The following RHBDD2 variants were observed in gnomAD, a reference collection of about 807,000 sequenced individuals.
The protein encoded by RHBDD2 is rhomboid domain containing 2, also known as rhomboid domain-containing protein 2.
In RHBDD2, 13 loss-of-function variants were observed where a neutral mutation model predicts 21.7. The observed-to-expected ratio is 0.60, with a 90% CI of 0.39 to 0.95. The LOEUF (loss-of-function observed/expected upper bound fraction) is 0.95. Ranked by LOEUF, RHBDD2 falls within the 40% of genes least tolerant of loss-of-function variation. The pLI, the probability that RHBDD2 is intolerant of heterozygous loss-of-function variation, is 0.00. For synonymous variants in RHBDD2, 225 were observed against 220.0 expected (o/e 1.02, Z -0.20); for missense variants, 473 against 478.9 (o/e 0.99, Z 0.11).
intron 3 of RHBDD2, among the ~76,000 whole-genome samples, chr7:75,886,887 G>A (rs1031437362): frequency 3.3e-5 from 5 of 152,128 alleles, no homozygotes; most frequent in African/African-American, 1.2e-4. Context: ...CCAGTGCCAG[G>A]TCTGATCCTG....
Position 75,881,871 on chromosome 7 carries a change from T to C in RHBDD2, c.221T>C (p.Ile74Thr). 6.2e-7 allele frequency: 1 copy of C among 1,613,174 alleles called. No homozygotes were observed. Among genetic ancestry groups the C allele is most frequent in the East Asian group, 2.2e-5 (1 of 44,870 alleles). ...VTYIFVYENP[I>T]SLLCGAIIIW... ...TACATCTTTGTCTACGAGAATCCCATCTCCCTGCTCTGCGGCGCTATCATC... is the reference window on the plus strand; with the variant it reads ...TACATCTTTGTCTACGAGAATCCCACCTCCCTGCTCTGCGGCGCTATCATC... The change falls in exon 2 of 4, where the codon ATC becomes ACC. Residue 74 changes from isoleucine to threonine, a missense_variant. Coordinates refer to ENST00000006777, the MANE Select transcript of RHBDD2 (RefSeq NM_001040456.3).
chr7:75,881,751 T>A, intron 1 of RHBDD2, 78 bp from the exon 2 acceptor site: 1 of 1,418,248 alleles, frequency 7.1e-7, no homozygotes, highest in Non-Finnish European at 9.6e-7. Flanking sequence ...GCTCTCTGCC[T>A]TTCCTAGGCG....
rs1327755770 is a variant in RHBDD2, at chr7:75,882,099, C to A, written c.449C>A (p.Ser150Tyr). 1 of 1,614,236 alleles carries A rather than the reference C, an allele frequency of 6.2e-7. No homozygotes were observed. The highest frequency in any genetic ancestry group is 1.3e-5 in the African/African-American group (1 of 75,062). The part of the protein sequence containing the change: ...FAMLGVTTVR[S>Y]RMRRALVFGM... ...ATGCTGGGAGTCACCACCGTCCGTT[C>A]TCGGATGAGGCGGGCCCTGGTGTTT... Residue 150 changes from serine (S) to tyrosine (Y), a missense_variant, in exon 2 of 4, where the codon TCT (serine) becomes TAT (tyrosine). Physicochemically the swap from Ser to Tyr is moderately radical, Grantham distance 144 (BLOSUM62 -2). Transcript: ENST00000006777.
rs1805848896 is a variant in RHBDD2 at position 75,888,680 on chromosome 7, CAT to C, written c.*332_*333del. On this transcript the variant is annotated 3_prime_UTR_variant, in exon 4 of 4. Transcript: ENST00000006777. Reference sequence around the variant, plus strand: ...TGCCGATGTCTGTCCCCAGCTCCACCATTCCTCCCTGTGGCTGTGCCGTGCTC... The same window carrying C: ...TGCCGATGTCTGTCCCCAGCTCCACCTCCTCCCTGTGGCTGTGCCGTGCTC... 1 of 336,562 alleles carries C rather than the reference CAT, an allele frequency of 3.0e-6. No homozygotes were observed. The highest frequency in any genetic ancestry group is 5.6e-6 in the Non-Finnish European group (1 of 179,924). 20.8% of individuals were successfully genotyped at this position (336,562 alleles called of 1,614,324 possible). A position where few individuals can be genotyped will look rare whatever the true frequency, so the allele number is the denominator to read the frequency against.
At position 75,888,366 on chromosome 7, in the gene RHBDD2, G is replaced by C. The variant is rs781873821; in HGVS notation, c.*17G>C. The C allele has an allele frequency of 6.3e-7, 1 of 1,591,516 alleles. No individual in the cohort carries two copies. Among genetic ancestry groups the C allele is most frequent in the Non-Finnish European group, 8.6e-7 (1 of 1,168,580 alleles). On this transcript the variant is annotated 3_prime_UTR_variant, in exon 4 of 4. Coordinates refer to ENST00000006777, the MANE Select transcript of RHBDD2 (RefSeq NM_001040456.3). Reference sequence around the variant, plus strand: ...ATGCCCTGAGAGAATTTCTAGGGAAGTCATCTCACTTGGCCTTCTGAAGGT... The same window carrying C: ...ATGCCCTGAGAGAATTTCTAGGGAACTCATCTCACTTGGCCTTCTGAAGGT...
At chr7:75,882,974 G>A (rs879969265) in intron 2 of RHBDD2, among the ~76,000 whole-genome samples, 2 of 152,166 alleles carry the variant, frequency 1.3e-5, no homozygotes, top group Non-Finnish European at 2.9e-5. Flanking sequence ...CCCACATGAA[G>A]CTCACATGGT....
intron 3 of RHBDD2, among the ~76,000 whole-genome samples, chr7:75,885,843 C>A (rs1291194427): frequency 2.0e-5 from 3 of 152,146 alleles, no homozygotes; most frequent in African/African-American, 7.2e-5. Flanking sequence ...CTGAGCTCCA[C>A]CTCTAGTGCT....
intron 3 of RHBDD2, among the ~76,000 whole-genome samples, chr7:75,884,295 C>G (rs1020669951): frequency 6.6e-6 from 1 of 152,068 alleles, no homozygotes; most frequent in Non-Finnish European, 1.5e-5. Flanking sequence ...GATCATAGCC[C>G]GCTACAGCCT....
In RHBDD2 at chr7:75,879,213, C is replaced by T; in HGVS notation, c.131C>T (p.Ala44Val). ...CTGTTCCTGCTGCAGCAGCCCCTGG[C>T]GCCCTCGGGCCTCACGCTGAAGTCC... The part of the protein sequence containing the change: ...PRLFLLQQPL[A>V]PSGLTLKSEA... Residue 44 changes from alanine (A) to valine (V), a missense_variant, in exon 1 of 4, where the codon GCG becomes GTG. Physicochemically the swap from Ala to Val is moderately conservative, Grantham distance 64. Coordinates refer to ENST00000006777, the MANE Select transcript of RHBDD2 (RefSeq NM_001040456.3). 1 of 1,521,976 alleles carries T rather than the reference C, an allele frequency of 6.6e-7. No individual in the cohort carries two copies. Among genetic ancestry groups the T allele is most frequent in the Non-Finnish European group, 8.8e-7 (1 of 1,133,354 alleles). The allele number at this position is 1,521,976 out of a possible 1,614,324, so 94.3% of individuals were successfully genotyped here.
rs782451090 is a variant in RHBDD2 at position 75,882,251 on chromosome 7, A to G, written c.586+15A>G. Reference sequence around the variant, plus strand: ...CGGGCTGGCCTGTATCCTTCCTAGCAGAGAGCTATAGAACAACGCATGTCA... The same window carrying G: ...CGGGCTGGCCTGTATCCTTCCTAGCGGAGAGCTATAGAACAACGCATGTCA... On this transcript the variant is annotated intron_variant, in intron 2 of 3. Coordinates refer to ENST00000006777, the MANE Select transcript of RHBDD2 (RefSeq NM_001040456.3). The G allele has an allele frequency of 1.9e-6, 3 of 1,592,154 alleles. No homozygotes were observed. The East Asian group carries it at 6.7e-5, about 36-fold the overall frequency.
chr7:75,887,285 A>T (rs1805736573), intron 3 of RHBDD2, among the ~76,000 whole-genome samples: 1 of 143,800 alleles, frequency 7.0e-6, no homozygotes, highest in Non-Finnish European at 1.5e-5. Context: ...CTAGAAGCAT[A>T]TGCCACCAGA....
Position 75,882,071 on chromosome 7 carries a change from G to T in RHBDD2, c.421G>T (p.Ala141Ser). 6.2e-7 allele frequency: 1 copy of T among 1,614,190 alleles called. No individual in the cohort carries two copies. The highest frequency in any genetic ancestry group is 8.5e-7 in the Non-Finnish European group (1 of 1,180,038). ...DARGFTPVAF[A>S]MLGVTTVRSR... ...CAGAGGTTTCACCCCAGTGGCCTTT[G>T]CCATGCTGGGAGTCACCACCGTCCG... is the stretch of plus-strand genomic sequence containing the variant. The change falls in exon 2 of 4, where the codon GCC becomes TCC. Residue 141 changes from alanine to serine, a missense_variant. Ala to Ser is a moderately conservative substitution (Grantham distance 99). Coordinates refer to ENST00000006777, the MANE Select transcript of RHBDD2 (RefSeq NM_001040456.3).
rs782713266 is a variant in RHBDD2 at position 75,888,252 on chromosome 7, C to A, written c.998C>A (p.Pro333His). Residue 333 changes from proline to histidine, a missense_variant, in exon 4 of 4, where the codon CCC becomes CAC. Coordinates refer to ENST00000006777, the MANE Select transcript of RHBDD2 (RefSeq NM_001040456.3). ...SAGTSLGIQP[P>H]TPVNSPGTVY... Reference sequence around the variant, plus strand: ...GGCACCTCCCTGGGCATCCAGCCCCCCACGCCTGTGAACAGCCCTGGCACG... The same window carrying A: ...GGCACCTCCCTGGGCATCCAGCCCCACACGCCTGTGAACAGCCCTGGCACG... 3 of 1,613,636 alleles carry A rather than the reference C, an allele frequency of 1.9e-6. No homozygotes were observed. The African/African-American group carries it at 4.0e-5, about 22-fold the overall frequency.
rs78423236 is a variant in RHBDD2 at position 75,888,552 on chromosome 7, G to A, written c.*203G>A. On this transcript the variant is annotated 3_prime_UTR_variant, in exon 4 of 4. Coordinates refer to ENST00000006777, the MANE Select transcript of RHBDD2 (RefSeq NM_001040456.3). ...GGCCCAGCTTACAGATGCAGAAAGC[G>A]AGACGTTCTGCCATCAGATAAAGTC... The A allele has an allele frequency of 5.0e-4, 267 of 539,352 alleles. No homozygotes were observed. Among genetic ancestry groups the A allele is most frequent in the African/African-American group, 4.6e-3 (247 of 53,130 alleles). The allele number at this position is 539,352 out of a possible 1,614,324, so 33.4% of individuals were successfully genotyped here.
intron 3 of RHBDD2, among the ~76,000 whole-genome samples, chr7:75,884,660 C>T (rs1805546619): frequency 6.6e-6 from 1 of 152,212 alleles, no homozygotes; most frequent in African/African-American, 2.4e-5. Context: ...ACAACTGCTT[C>T]TGAAGTAGCA....
chr7:75,882,121 G>A lies in RHBDD2; in HGVS notation c.471G>A (p.Val157=), dbSNP rs376681954. Residue 157 remains valine (V), a synonymous_variant, in exon 2 of 4, where the codon GTG becomes GTA. Coordinates refer to ENST00000006777, the MANE Select transcript of RHBDD2 (RefSeq NM_001040456.3). Reference sequence around the variant, plus strand: ...GTTCTCGGATGAGGCGGGCCCTGGTGTTTGGCATGGTTGTGCCCTCAGTCC... The same window carrying A: ...GTTCTCGGATGAGGCGGGCCCTGGTATTTGGCATGGTTGTGCCCTCAGTCC... ...TVRSRMRRAL[V]FGMVVPSVLV... is the part of the protein sequence containing the mutation. 2 of 1,614,102 alleles carry A rather than the reference G, an allele frequency of 1.2e-6. No homozygotes were observed. The highest frequency in any genetic ancestry group is 1.7e-6 in the Non-Finnish European group (2 of 1,180,040).
intron 2 of RHBDD2, 84 bp from the exon 3 acceptor site, chr7:75,883,614 G>A: frequency 8.2e-7 from 1 of 1,213,300 alleles, no homozygotes; most frequent in Non-Finnish European, 1.2e-6. Context: ...TCTGTAGAGT[G>A]AGTGGGAACC....
rs544282532 is a variant in RHBDD2 at position 75,879,055 on chromosome 7, G to T, written c.-28G>T. 3.4e-3 allele frequency: 4,581 copies of T among 1,365,490 alleles called. 13 individuals carry two copies. Among genetic ancestry groups the T allele is most frequent in the Non-Finnish European group, 3.9e-3 (4,074 of 1,055,906 alleles). The allele number at this position is 1,365,490 out of a possible 1,614,324, so 84.6% of individuals were successfully genotyped here. On this transcript the variant is annotated 5_prime_UTR_variant, in exon 1 of 4. Transcript: ENST00000006777. ...GAGCAGAGGACCGGCAGCCGGCGTC[G>T]AGGCGGGGCGCGGGAACGACGGCGG...
chr7:75,882,216 G>A lies in RHBDD2; in HGVS notation c.566G>A (p.Gly189Glu). Residue 189 changes from glycine to glutamate, a missense_variant, in exon 2 of 4, where the codon GGG becomes GAG. Physicochemically the swap from Gly to Glu is moderately conservative, Grantham distance 98. Transcript: ENST00000006777. ...ACCTCTTTCCTCAGTAATGTCTGCG[G>A]GCTGTCCATCGGGCTGGCCTGTATC... Reference protein sequence around the residue: ...PQTSFLSNVCGLSIGLAYGLT... With the variant: ...PQTSFLSNVCELSIGLAYGLT... 6.2e-7 allele frequency: 1 copy of A among 1,613,094 alleles called. No individual in the cohort carries two copies. The highest frequency in any genetic ancestry group is 8.5e-7 in the Non-Finnish European group (1 of 1,179,384).
Sources: gnomAD v4.1 joint callset for allele counts (sites outside exome capture counted in the v4.1 genomes callset) on GRCh38, gnomAD v4.1.1 for gene constraint, MANE v1.5 for transcripts, NCBI Gene and HGNC (gene_info 2026-07-23, HGNC 2026-07-21) for gene names.